Variants in NCOA6 observed in about 807,000 individuals in gnomAD.
The protein encoded by NCOA6 is nuclear receptor coactivator 6, also known as NRC RAP250.
Under a neutral mutation model 171.4 loss-of-function variants are expected in NCOA6, and 49 were observed. That is an observed-to-expected ratio of 0.29 (90% CI 0.23 to 0.36). The LOEUF (loss-of-function observed/expected upper bound fraction) is 0.36. NCOA6 is among the 10% of genes least tolerant of loss of function. The pLI is 1.00. For missense variants in NCOA6, 2,248 were observed against 2,554.5 expected, an observed-to-expected ratio of 0.88 and a Z score of 2.59; for synonymous variants, 910 against 927.5, an observed-to-expected ratio of 0.98 and a Z score of 0.34.
chr20:34,791,920 A>T (rs1334301230), intron 2 of NCOA6, among the ~76,000 whole-genome samples: 1 of 152,058 alleles, frequency 6.6e-6, no homozygotes, highest in Non-Finnish European at 1.5e-5. Flanking sequence ...GCCAATTTAA[A>T]CCCATTATGA....
At position 34,757,634 on chromosome 20, in the gene NCOA6, G is replaced by A. The variant is rs780573178; in HGVS notation, c.1114C>T (p.Pro372Ser). The change falls in exon 7 of 15, where the codon CCT becomes TCT. Residue 372 changes from proline (P) to serine (S), a missense_variant. Pro to Ser is a moderately conservative substitution (Grantham distance 74). Coordinates refer to ENST00000359003, the MANE Select transcript of NCOA6 (RefSeq NM_014071.5). ...CTGCCAAAGGGATATGGAGGGGGAG[G>A]GTGGGAAGGCGTCTGTACCGTGGCT... ...SLATVQTPSH[P>S]PPPYPFGSQQ... is the part of the protein sequence containing the mutation. The A allele has an allele frequency of 1.2e-6, 2 of 1,613,950 alleles. No homozygotes were observed. Among genetic ancestry groups the A allele is most frequent in the South Asian group, 1.1e-5 (1 of 91,078 alleles).
intron 1 of NCOA6, among the ~76,000 whole-genome samples, 169 bp downstream of exon 1, chr20:34,825,303 G>A (rs978975685): frequency 3.4e-4 from 51 of 151,494 alleles, no homozygotes; most frequent in African/African-American, 1.1e-3. Flanking sequence ...AGCGCGGCGG[G>A]CGGGGCGGCT....
chr20:34,789,208 A>G (rs182762277), intron 2 of NCOA6, among the ~76,000 whole-genome samples: 10 of 152,360 alleles, frequency 6.6e-5, no homozygotes, highest in African/African-American at 2.4e-4. Flanking sequence ...AAGTTAAGTA[A>G]ATAGCAGTGA....
chr20:34,817,875 C>G (rs1286072548), intron 1 of NCOA6, among the ~76,000 whole-genome samples: 2 of 152,150 alleles, frequency 1.3e-5, no homozygotes, highest in Non-Finnish European at 2.9e-5. Flanking sequence ...CAGCTTTCAT[C>G]ACATCACTGG....
At chr20:34,788,308 C>T (rs536594632) in intron 2 of NCOA6, among the ~76,000 whole-genome samples, 1 of 152,178 alleles carries the variant, frequency 6.6e-6, no homozygotes, top group Non-Finnish European at 1.5e-5. Flanking sequence ...AGGTGATCCA[C>T]CCGCCTCGGC....
intron 1 of NCOA6, among the ~76,000 whole-genome samples, chr20:34,807,162 A>G (rs1329534779): frequency 6.6e-6 from 1 of 152,220 alleles, no homozygotes; most frequent in East Asian, 1.9e-4. Flanking sequence ...GATGTTGAAG[A>G]AGCTACATGG....
At chr20:34,746,166 T>C (rs115170398) in intron 10 of NCOA6, among the ~76,000 whole-genome samples, 4,388 of 151,756 alleles carry the variant, frequency 0.029, 226 homozygotes, top group African/African-American at 0.1. Flanking sequence ...TAGAGTGAAA[T>C]CATCTCTCCA....
rs769842433 is a variant in NCOA6, at chr20:34,741,602, T to C, written c.4654A>G (p.Ser1552Gly). ...EPSNSLNLPH[S>G]NELCSSLVHP... ...ACAAGGGATGAACACAGCTCATTAC[T>C]GTGAGGTAAGTTTAGGGAATTAGAA... The change falls in exon 11 of 15, where the codon AGT (serine) becomes GGT (glycine). Residue 1552 changes from serine (S) to glycine (G), a missense_variant. Ser to Gly is a moderately conservative substitution (Grantham distance 56). Transcript: ENST00000359003. 176 of 1,614,086 alleles carry C rather than the reference T, an allele frequency of 1.1e-4. No individual in the cohort carries two copies. The Admixed American group carries it at 1.3e-3, about 12-fold the overall frequency.
At chr20:34,823,369 G>A (rs566639769) in intron 1 of NCOA6, among the ~76,000 whole-genome samples, 8 of 136,252 alleles carry the variant, frequency 5.9e-5, no homozygotes, top group Admixed American at 2.2e-4. Flanking sequence ...AGAAAAAAAA[G>A]AAAAGAAAAG....
intron 5 of NCOA6, among the ~76,000 whole-genome samples, chr20:34,759,188 C>A (rs1181752623): frequency 1.3e-5 from 2 of 151,974 alleles, no homozygotes; most frequent in South Asian, 2.1e-4. Flanking sequence ...ACCACAGGCA[C>A]ACACCACTGT....
intron 7 of NCOA6, among the ~76,000 whole-genome samples, chr20:34,755,597 A>C (rs1327925896): frequency 6.6e-6 from 1 of 152,244 alleles, no homozygotes; most frequent in Non-Finnish European, 1.5e-5. Flanking sequence ...AATAAGGAGA[A>C]TCTCAGAACC....
intron 7 of NCOA6, 94 bp downstream of exon 7, chr20:34,757,126 T>C: frequency 1.5e-6 from 2 of 1,312,940 alleles, no homozygotes; most frequent in Non-Finnish European, 1.0e-6. Context: ...ATTATATCCT[T>C]ACTCCACTCC....
chr20:34,718,865 A>T (rs1449078410), intron 14 of NCOA6, among the ~76,000 whole-genome samples: 1 of 152,226 alleles, frequency 6.6e-6, no homozygotes, highest in East Asian at 1.9e-4. Context: ...TGATCCAGTC[A>T]GGGTGTACCT....
chr20:34,779,834 T>C (rs916076558), intron 3 of NCOA6, among the ~76,000 whole-genome samples: 2 of 117,780 alleles, frequency 1.7e-5, no homozygotes, highest in Non-Finnish European at 3.7e-5. Context: ...TGTTCTAATG[T>C]GGAAAAAAAA....
At chr20:34,744,453 C>T (rs1309756668) in intron 10 of NCOA6, among the ~76,000 whole-genome samples, 1 of 152,106 alleles carries the variant, frequency 6.6e-6, no homozygotes, top group East Asian at 1.9e-4. Flanking sequence ...TAGATTTATT[C>T]CATTGTTGCA....
chr20:34,811,234 T>TATATATATATATATATAC lies in NCOA6; in HGVS notation c.-164+14237_-164+14238insGTATATATATATATATAT, dbSNP rs1344933526. Reference sequence around the variant, plus strand: ...ATATATATATATATATATATATATATATGCTTTCAAAATGCATTTTACAAA... The same window carrying TATATATATATATATATAC: ...ATATATATATATATATATATATATATATATATATATATATATACATGCTTTCAAAATGCATTTTACAAA... On this transcript the variant is annotated intron_variant, in intron 1 of 14. Transcript: ENST00000359003. Among the ~76,000 whole-genome samples, 1,138 of 119,234 alleles carry TATATATATATATATATAC rather than the reference T, an allele frequency of 9.5e-3. 36 individuals carry two copies. The highest frequency in any genetic ancestry group is 0.014 in the Non-Finnish European group (789 of 55,738). 78.2% of individuals were successfully genotyped at this position (119,234 alleles called of 152,430 possible).
chr20:34,786,848 T>A (rs1377994517), intron 2 of NCOA6, among the ~76,000 whole-genome samples: 1 of 152,062 alleles, frequency 6.6e-6, no homozygotes, highest in Non-Finnish European at 1.5e-5. Flanking sequence ...AAGACTTAAA[T>A]GTAAAACCCA....
In NCOA6 at chr20:34,757,624, G is replaced by C; in HGVS notation, c.1124C>G (p.Pro375Arg). 1 of 1,614,018 alleles carries C rather than the reference G, an allele frequency of 6.2e-7. No homozygotes were observed. Among genetic ancestry groups the C allele is most frequent in the Non-Finnish European group, 8.5e-7 (1 of 1,179,934 alleles). Residue 375 changes from proline (P) to arginine (R), a missense_variant, in exon 7 of 15, where the codon CCA (proline) becomes CGA (arginine). Pro to Arg is a moderately radical substitution (Grantham distance 103). This residue lies in a region of NCOA6 where 987 missense variants were observed against 1,104.7 expected (regional missense o/e 0.89). Transcript: ENST00000359003. Reference sequence around the variant, plus strand: ...GGCTTGCTGGCTGCCAAAGGGATATGGAGGGGGAGGGTGGGAAGGCGTCTG... The same window carrying C: ...GGCTTGCTGGCTGCCAAAGGGATATCGAGGGGGAGGGTGGGAAGGCGTCTG... ...TVQTPSHPPP[P>R]YPFGSQQASQ...
intron 14 of NCOA6, among the ~76,000 whole-genome samples, chr20:34,719,111 G>A (rs1008245093): frequency 1.3e-5 from 2 of 152,142 alleles, no homozygotes; most frequent in Non-Finnish European, 2.9e-5. Context: ...GTCACTGGGG[G>A]AACATTTAAA....
Sources: gnomAD v4.1 joint callset for allele counts (sites outside exome capture counted in the v4.1 genomes callset) on GRCh38, gnomAD v4.1.1 for gene constraint, gnomAD v4.1.1 regional missense constraint, MANE v1.5 for transcripts, NCBI Gene and HGNC (gene_info 2026-07-23, HGNC 2026-07-21) for gene names.